NOS1: variants seen among roughly 807,000 people sequenced by gnomAD.
NOS1 encodes the protein nitric oxide synthase 1, also known as NOS type I.
A neutral mutation model predicts 164.5 loss-of-function variants in NOS1; 51 were observed. The observed-to-expected ratio is 0.31, with a 90% CI of 0.25 to 0.39. The LOEUF (loss-of-function observed/expected upper bound fraction) is 0.39, where lower values mean the gene tolerates loss of function less well. Ranked by LOEUF, NOS1 falls within the 10% of genes least tolerant of loss-of-function variation. The pLI is 1.00. For synonymous variants in NOS1, 719 were observed against 745.8 expected (o/e 0.96, Z 0.59); for missense variants, 1,362 against 1,885.6 (o/e 0.72, Z 5.14).
In NOS1 at chr12:117,208,626, G is replaced by T; in HGVS notation, c.*6683C>A. 1.7e-6 allele frequency: 2 copies of T among 1,162,610 alleles called. No homozygotes were observed. Among genetic ancestry groups the T allele is most frequent in the Non-Finnish European group, 2.2e-6 (2 of 927,360 alleles). The allele number at this position is 1,162,610 out of a possible 1,614,324, so 72.0% of individuals were successfully genotyped here. A position where few individuals can be genotyped will look rare whatever the true frequency, so the allele number is the denominator to read the frequency against. On this transcript the variant is annotated 3_prime_UTR_variant, in exon 29 of 29. Transcript: ENST00000317775. Reference sequence around the variant, plus strand: ...GGACATGGGAGGGGACTGAGACCCAGCTCAAGAGCACTGGATCTCAGTGAG... The same window carrying T: ...GGACATGGGAGGGGACTGAGACCCATCTCAAGAGCACTGGATCTCAGTGAG...
At chr12:117,273,758 T>C (rs887248544) in intron 9 of NOS1, among the ~76,000 whole-genome samples, 2 of 152,188 alleles carry the variant, frequency 1.3e-5, no homozygotes, top group Admixed American at 6.5e-5. Flanking sequence ...ACCTCGTTCA[T>C]CTGACCCTAA....
intron 3 of NOS1, among the ~76,000 whole-genome samples, chr12:117,294,105 A>G (rs574574028): frequency 6.6e-6 from 1 of 152,198 alleles, no homozygotes; most frequent in Admixed American, 6.5e-5. Flanking sequence ...ACAGGAAGGC[A>G]CCCCAGCCAT....
rs1246481983 is a variant in NOS1, at chr12:117,212,958, T to G, written c.*2351A>C. ...GCAGCTTGTGTTGGGGATTGAAAGG[T>G]GTTTACTTAAAAAAAAATCTTTCTG... On this transcript the variant is annotated 3_prime_UTR_variant, in exon 29 of 29. Transcript: ENST00000317775. The G allele has an allele frequency of 1.7e-5, 17 of 985,192 alleles. No homozygotes were observed. Among genetic ancestry groups the G allele is most frequent in the Non-Finnish European group, 2.0e-5 (17 of 829,926 alleles). The allele number at this position is 985,192 out of a possible 1,614,324, so 61.0% of individuals were successfully genotyped here. A position where few individuals can be genotyped will look rare whatever the true frequency, so the allele number is the denominator to read the frequency against.
At chr12:117,219,238 C>A (rs1956660655) in intron 27 of NOS1, among the ~76,000 whole-genome samples, 1 of 152,098 alleles carries the variant, frequency 6.6e-6, no homozygotes, top group Non-Finnish European at 1.5e-5. Context: ...GCCTTGGCCT[C>A]CCAAAATGTT....
At chr12:117,338,221 A>C (rs1875931651) in intron 1 of NOS1, among the ~76,000 whole-genome samples, 1 of 151,156 alleles carries the variant, frequency 6.6e-6, no homozygotes, top group Non-Finnish European at 1.5e-5. Context: ...TGTCTCAAAC[A>C]AAACAAAAAA....
chr12:117,226,645 T>G, intron 24 of NOS1, 38 bp downstream of exon 24: 3 of 1,586,500 alleles, frequency 1.9e-6, no homozygotes, highest in Non-Finnish European at 8.7e-7. Context: ...ATATGCAGAT[T>G]TGAGATGATT....
rs1457555272 is a variant in NOS1, at chr12:117,247,497, G to A, written c.2674C>T (p.Arg892Ter). 8 of 1,610,884 alleles carry A rather than the reference G, an allele frequency of 5.0e-6. No homozygotes were observed. The highest frequency in any genetic ancestry group is 2.2e-5 in the East Asian group (1 of 44,628). The change falls in exon 18 of 29, where the codon CGA (arginine) becomes TGA (stop). Residue 892 changes from arginine to a stop codon, truncating the protein, a stop_gained. Coordinates refer to ENST00000317775, the MANE Select transcript of NOS1 (RefSeq NM_000620.5). LOFTEE classifies it high-confidence loss of function. ...AAGGCGCAAAAGTGAGGGTATGCTC[G>A]TGAGCCGAGGCCAAAAACTGAGAAC... ...VRFSVFGLGSRAYPHFCAFGH... is the reference protein window; with the variant it reads ...VRFSVFGLGS
chr12:117,330,197 G>A lies in NOS1; in HGVS notation c.725+148C>T, dbSNP rs1406469952. ...GTAATTTTAAGTGAAGATCAAGGGG[G>A]CCGTCAAGTGGTTATGCAAAAACAG... On this transcript the variant is annotated intron_variant, in intron 2 of 28. Coordinates refer to ENST00000317775, the MANE Select transcript of NOS1 (RefSeq NM_000620.5). The surrounding 1 kb of genome is among the most constrained non-coding windows in gnomAD (Gnocchi z 4.6). The A allele has an allele frequency of 2.6e-5, 33 of 1,259,738 alleles. 1 individual carries two copies. The Admixed American group carries it at 9.1e-4, about 35-fold the overall frequency. The allele number at this position is 1,259,738 out of a possible 1,614,324, so 78.0% of individuals were successfully genotyped here.
chr12:117,292,029 T>A lies in NOS1; in HGVS notation c.853-1603A>T, dbSNP rs1241326089. ...AAGTGACACTCATGCAAAGAGTACA[T>A]CAGTGCACAGTGACCTTGAGGCAGG... On this transcript the variant is annotated intron_variant, in intron 3 of 28. Transcript: ENST00000317775. Among the ~76,000 whole-genome samples, 5 of 152,148 alleles carry A rather than the reference T, an allele frequency of 3.3e-5. No homozygotes were observed. The East Asian group carries it at 9.6e-4, about 29-fold the overall frequency.
chr12:117,259,848 G>A lies in NOS1; in HGVS notation c.2367+617C>T, dbSNP rs559575516. Among the ~76,000 whole-genome samples the A allele has an allele frequency of 1.1e-3, 167 of 151,966 alleles. 1 individual carries two copies. Among genetic ancestry groups the A allele is most frequent in the South Asian group, 2.5e-3 (12 of 4,802 alleles). ...GAAAACCATCGAGCTGGCCGGGTGC[G>A]GTGGCTCACGCCTGTAATCCCAGCA... On this transcript the variant is annotated intron_variant, in intron 14 of 28. Coordinates refer to ENST00000317775, the MANE Select transcript of NOS1 (RefSeq NM_000620.5).
chr12:117,280,126 C>A (rs1041687614), intron 8 of NOS1, among the ~76,000 whole-genome samples: 1 of 152,158 alleles, frequency 6.6e-6, no homozygotes, highest in African/African-American at 2.4e-5. Flanking sequence ...TACCTGCCCG[C>A]ACTACCACCT....
chr12:117,333,630 G>A (rs777805269), intron 1 of NOS1, among the ~76,000 whole-genome samples: 6 of 152,134 alleles, frequency 3.9e-5, no homozygotes, highest in Non-Finnish European at 5.9e-5. Flanking sequence ...AGGAAATAAT[G>A]AATCCCCGGG....
chr12:117,355,801 C>G (rs1178665053), intron 1 of NOS1, among the ~76,000 whole-genome samples: 4 of 152,012 alleles, frequency 2.6e-5, no homozygotes, highest in Non-Finnish European at 1.5e-5. Flanking sequence ...GCTCTGTTAC[C>G]CAGGATGGAG....
At chr12:117,262,280 A>C (rs540609461) in intron 13 of NOS1, among the ~76,000 whole-genome samples, 112 of 152,180 alleles carry the variant, frequency 7.4e-4, no homozygotes, top group African/African-American at 1.7e-3. Flanking sequence ...CTTTCCCCCC[A>C]GAGACAGTGG....
intron 16 of NOS1, among the ~76,000 whole-genome samples, chr12:117,255,020 T>C (rs777134120): frequency 1.3e-4 from 20 of 152,114 alleles, no homozygotes; most frequent in African/African-American, 2.2e-4. Context: ...AGTTAATGGG[T>C]GCAGCACACC....
chr12:117,240,067 C>A (rs1342546195), intron 20 of NOS1, among the ~76,000 whole-genome samples: 1 of 152,148 alleles, frequency 6.6e-6, no homozygotes, highest in African/African-American at 2.4e-5. Flanking sequence ...GGAGTAAATT[C>A]TGTAAGCTGG....
At chr12:117,329,548 CTT>C (rs9658283) in intron 2 of NOS1, among the ~76,000 whole-genome samples, 4,603 of 152,174 alleles carry the variant, frequency 0.03, 231 homozygotes, top group African/African-American at 0.11. Context: ...GACAGAGAAA[CTT>C]CTCTCTGTGT....
At chr12:117,245,427 T>A (rs759317345) in intron 18 of NOS1, 1 of 152,234 alleles carries the variant, frequency 6.6e-6, no homozygotes, top group Non-Finnish European at 1.5e-5. Flanking sequence ...GGTTCTGCAC[T>A]GTCTAATAGG....
intron 7 of NOS1, among the ~76,000 whole-genome samples, chr12:117,282,367 C>T (rs1873746206): frequency 6.6e-6 from 1 of 152,210 alleles, no homozygotes; most frequent in Non-Finnish European, 1.5e-5. Context: ...AAGATGGCAT[C>T]TCGGGTCCAA....
Sources: gnomAD v4.1 joint callset for allele counts (sites outside exome capture counted in the v4.1 genomes callset) on GRCh38, gnomAD v4.1.1 for gene constraint, Gnocchi (gnomAD v3.1) non-coding constraint, MANE v1.5 for transcripts, NCBI Gene and HGNC (gene_info 2026-07-23, HGNC 2026-07-21) for gene names.